The following MINDY2 variants were observed in gnomAD, a reference collection of about 807,000 sequenced individuals.
MINDY2 encodes the protein ubiquitin carboxyl-terminal hydrolase MINDY-2.
Under a neutral mutation model 68.2 loss-of-function variants are expected in MINDY2, and 52 were observed. The observed-to-expected ratio is 0.76, with a 90% confidence interval of 0.61 to 0.96. The LOEUF is 0.96. Among genes scored for constraint, MINDY2 ranks in the 40% least tolerant of loss-of-function variants. The pLI, the probability that MINDY2 is intolerant of heterozygous loss-of-function variation, is 0.00. For missense variants in MINDY2, 881 were observed against 773.4 expected (o/e 1.14, Z -1.65); for synonymous variants, 372 against 303.0 (o/e 1.23, Z -2.36).
intron 1 of MINDY2, among the ~76,000 whole-genome samples, chr15:58,783,222 C>A (rs1342644912): frequency 6.6e-6 from 1 of 152,072 alleles, no homozygotes; most frequent in Non-Finnish European, 1.5e-5. Flanking sequence ...TGCCCGGCCC[C>A]TGACTTCTTT....
At chr15:58,814,688 T>A (rs138492822) in intron 4 of MINDY2, among the ~76,000 whole-genome samples, 52 of 152,294 alleles carry the variant, frequency 3.4e-4, no homozygotes, top group African/African-American at 1.2e-3. Context: ...CCATTTTTTT[T>A]ATTTGGCTAT....
At chr15:58,847,263 A>C in intron 6 of MINDY2, 34 bp from the exon 7 acceptor site, 1 of 1,503,642 alleles carries the variant, frequency 6.7e-7, no homozygotes, top group Non-Finnish European at 9.0e-7. Flanking sequence ...TGATCAATTT[A>C]ACAGTCCTTT....
At chr15:58,844,165 T>A (rs1249115015) in intron 6 of MINDY2, among the ~76,000 whole-genome samples, 1 of 152,194 alleles carries the variant, frequency 6.6e-6, no homozygotes, top group East Asian at 1.9e-4. Context: ...CCATAGACTC[T>A]CAGGATCAGA....
In MINDY2 at chr15:58,771,993, A is replaced by G. The variant is rs768264473; in HGVS notation, c.598A>G (p.Arg200Gly). 4.2e-5 allele frequency: 67 copies of G among 1,586,734 alleles called. No homozygotes were observed. The highest frequency in any genetic ancestry group is 5.1e-5 in the Non-Finnish European group (60 of 1,167,662). The stretch of plus-strand genomic sequence containing the variant: ...CAATAGTGAGGAGGGAGCGGAGAAC[A>G]GGGTCCCTGAGGAGGAGGAGGGCGC... ...EFNSEEGAEN[R>G]VPEEEEGAAV... The change falls in exon 1 of 9, where the codon AGG (arginine) becomes GGG (glycine). Residue 200 changes from arginine to glycine, a missense_variant. Arg to Gly is a moderately radical substitution (Grantham distance 125, BLOSUM62 -2). Transcript: ENST00000559228.
At chr15:58,828,100 G>T (rs1350665240) in intron 5 of MINDY2, among the ~76,000 whole-genome samples, 1 of 151,536 alleles carries the variant, frequency 6.6e-6, no homozygotes, top group African/African-American at 2.4e-5. Context: ...TGGGTGTGCA[G>T]TGAGCCGAGA....
intron 2 of MINDY2, among the ~76,000 whole-genome samples, chr15:58,797,089 T>A (rs1595720833): frequency 6.6e-6 from 1 of 152,254 alleles, no homozygotes; most frequent in South Asian, 2.1e-4. Context: ...CAGTGTGAAT[T>A]GAGATGTTCT....
chr15:58,857,877 AT>A lies in MINDY2; in HGVS notation c.*3269del, dbSNP rs150500966. The A allele has an allele frequency of 2.6e-5, 4 of 152,314 alleles. No individual in the cohort carries two copies. Among genetic ancestry groups the A allele is most frequent in the African/African-American group, 9.6e-5 (4 of 41,568 alleles). The allele number at this position is 152,314 out of a possible 1,614,324, so 9.4% of individuals were successfully genotyped here. A position where few individuals can be genotyped will look rare whatever the true frequency, so the allele number is the denominator to read the frequency against. ...CCTTTTACTTTCAGAGTCTAAGTAT[AT>A]TCCTTAAGGTTAGTAACCAGTCTTT... On this transcript the variant is annotated 3_prime_UTR_variant, in exon 9 of 9. Transcript: ENST00000559228.
chr15:58,771,788 C>T lies in MINDY2; in HGVS notation c.393C>T (p.Ala131=). 6.2e-7 allele frequency: 1 copy of T among 1,610,246 alleles called. No individual in the cohort carries two copies. The highest frequency in any genetic ancestry group is 8.5e-7 in the Non-Finnish European group (1 of 1,179,004). Reference sequence around the variant, plus strand: ...TGGGTACCGCCGGAGACGCGGGAGCCCGCCCGGATCTCGCCGGCACCTGCC... The same window carrying T: ...TGGGTACCGCCGGAGACGCGGGAGCTCGCCCGGATCTCGCCGGCACCTGCC... ...HELGTAGDAG[A]RPDLAGTCQA... Residue 131 remains alanine (A), a synonymous_variant, in exon 1 of 9, where the codon GCC becomes GCT. Transcript: ENST00000559228.
intron 2 of MINDY2, among the ~76,000 whole-genome samples, chr15:58,799,468 G>A (rs1237621108): frequency 6.6e-6 from 1 of 151,872 alleles, no homozygotes; most frequent in African/African-American, 2.4e-5. Flanking sequence ...TTGGGAGGCT[G>A]AGGCTGAGGC....
chr15:58,843,078 A>G (rs935644188), intron 6 of MINDY2, among the ~76,000 whole-genome samples: 1 of 152,250 alleles, frequency 6.6e-6, no homozygotes, highest in Non-Finnish European at 1.5e-5. Context: ...ATTATAAAGT[A>G]CCTTAGAAAC....
chr15:58,817,615 CAGGAGGCTG>C (rs1371917505), intron 4 of MINDY2: 1 of 152,226 alleles, frequency 6.6e-6, no homozygotes, highest in Non-Finnish European at 1.5e-5. Flanking sequence ...CCCAGCTACT[CAGGAGGCTG>C]AGGCAGAGAA....
chr15:58,783,869 C>T (rs528937482), intron 1 of MINDY2, among the ~76,000 whole-genome samples: 5 of 151,924 alleles, frequency 3.3e-5, no homozygotes, highest in African/African-American at 7.3e-5. Context: ...CACCTGAGCC[C>T]GGGGAGGTTG....
In MINDY2 at chr15:58,859,200, G is replaced by A. The variant is rs1284523153; in HGVS notation, c.*4590G>A. The stretch of plus-strand genomic sequence containing the variant: ...CTATAGACTATAGAGTCAAAATCAA[G>A]AGTATTTTGAGAGGATCAGAAGCAT... On this transcript the variant is annotated 3_prime_UTR_variant, in exon 9 of 9. Coordinates refer to ENST00000559228, the MANE Select transcript of MINDY2 (RefSeq NM_001040450.3). 1.3e-5 allele frequency: 2 copies of A among 151,980 alleles called. No homozygotes were observed. Among genetic ancestry groups the A allele is most frequent in the Non-Finnish European group, 2.9e-5 (2 of 67,940 alleles). 9.4% of individuals were successfully genotyped at this position (151,980 alleles called of 1,614,324 possible).
intron 6 of MINDY2, among the ~76,000 whole-genome samples, chr15:58,844,381 AC>A (rs1412070909): frequency 1.3e-5 from 2 of 150,918 alleles, no homozygotes; most frequent in African/African-American, 4.9e-5. Context: ...CCCCGTCTCT[AC>A]TAAAAAATAC....
chr15:58,771,625 G>T lies in MINDY2; in HGVS notation c.230G>T (p.Gly77Val). The change falls in exon 1 of 9, where the codon GGA becomes GTA. Residue 77 changes from glycine (G) to valine (V), a missense_variant. Coordinates refer to ENST00000559228, the MANE Select transcript of MINDY2 (RefSeq NM_001040450.3). ...ASPAGSPEVP[G>V]PCSSSAGLDL... ...CCCGCGGGCTCTCCTGAGGTTCCCG[G>T]ACCCTGCAGCTCCTCCGCGGGTTTG... 6.2e-7 allele frequency: 1 copy of T among 1,612,368 alleles called. No individual in the cohort carries two copies. The highest frequency in any genetic ancestry group is 8.5e-7 in the Non-Finnish European group (1 of 1,179,864).
chr15:58,775,165 A>C (rs1330730342), intron 1 of MINDY2, among the ~76,000 whole-genome samples: 1 of 152,220 alleles, frequency 6.6e-6, no homozygotes, highest in Non-Finnish European at 1.5e-5. Context: ...ATGTAATGAC[A>C]TCGCTCTGTC....
intron 4 of MINDY2, among the ~76,000 whole-genome samples, chr15:58,814,993 G>C (rs957794130): frequency 5.3e-5 from 8 of 151,556 alleles, no homozygotes; most frequent in African/African-American, 1.9e-4. Flanking sequence ...TTATGCTTTT[G>C]GTGTCCTACC....
Position 58,792,467 on chromosome 15 carries a change from G to A in MINDY2, c.898+4504G>A, listed in dbSNP as rs145358661. Among the ~76,000 whole-genome samples, 1,442 of 152,256 alleles carry A rather than the reference G, an allele frequency of 9.5e-3. 19 individuals are homozygous for A. The highest frequency in any genetic ancestry group is 0.033 in the African/African-American group (1,372 of 41,546). On this transcript the variant is annotated intron_variant, in intron 2 of 8. Coordinates refer to ENST00000559228, the MANE Select transcript of MINDY2 (RefSeq NM_001040450.3). ...CTAAGAACATAAAAATTAGCCGGGC[G>A]TGGTGGCACATGCCTGTAATTCCAG...
intron 2 of MINDY2, chr15:58,796,158 G>A (rs1211185753): frequency 2.2e-6 from 1 of 455,666 alleles, no homozygotes; most frequent in African/African-American, 2.0e-5. Context: ...AAATGGGTAT[G>A]GGAAGTGGGT....
Sources: gnomAD v4.1 joint callset for allele counts (sites outside exome capture counted in the v4.1 genomes callset) on GRCh38, gnomAD v4.1.1 for gene constraint, MANE v1.5 for transcripts, NCBI Gene and HGNC (gene_info 2026-07-23, HGNC 2026-07-21) for gene names.